AXIN2: variants seen among roughly 807,000 people sequenced by gnomAD.
AXIN2 encodes the protein axin 2.
Under a neutral mutation model 74.7 loss-of-function variants are expected in AXIN2, and 21 were observed. That is an observed-to-expected ratio of 0.28 (90% CI 0.20 to 0.40). AXIN2 has a LOEUF of 0.40. Among genes scored for constraint, AXIN2 ranks in the 10% least tolerant of loss-of-function variants. AXIN2 has a pLI of 1.00. For missense variants in AXIN2, 1,144 were observed against 1,111.1 expected (o/e 1.03, Z -0.42); for synonymous variants, 532 against 454.9 (o/e 1.17, Z -2.16).
chr17:65,559,135 C>G lies in AXIN2; in HGVS notation c.-116-399G>C, dbSNP rs1034612188. Among the ~76,000 whole-genome samples the G allele has an allele frequency of 3.9e-5, 6 of 152,176 alleles. 1 individual carries two copies. The highest frequency in any genetic ancestry group is 6.5e-5 in the Admixed American group (1 of 15,290). On this transcript the variant is annotated intron_variant, in intron 1 of 10. Coordinates refer to ENST00000307078, the MANE Select transcript of AXIN2 (RefSeq NM_004655.4). ...CTCCCTTCCCCTCCCCCGATACCAT[C>G]AACTCCAAAAAGGCGCACTCCCAGC...
intron 4 of AXIN2, among the ~76,000 whole-genome samples, chr17:65,540,208 C>T (rs2044020078): frequency 6.6e-6 from 1 of 152,194 alleles, no homozygotes; most frequent in Non-Finnish European, 1.5e-5. Context: ...CTGTGGTTGA[C>T]ACAAGAAGTA....
At position 65,541,534 on chromosome 17, in the gene AXIN2, A is replaced by G. The variant is rs756978497; in HGVS notation, c.980T>C (p.Val327Ala). ...SSVDGIPPYR[V>A]GSKKQLQREM... Reference sequence around the variant, plus strand: ...TCTCTGGAGCTGTTTCTTACTGCCCACACGATAAGGAGGAATTCCATCTCT... The same window carrying G: ...TCTCTGGAGCTGTTTCTTACTGCCCGCACGATAAGGAGGAATTCCATCTCT... The change falls in exon 4 of 11, where the codon GTG becomes GCG. Residue 327 changes from valine to alanine, a missense_variant. Val to Ala is a moderately conservative substitution (Grantham distance 64). Around this residue, in one of 4 missense-constraint regions of AXIN2, gnomAD observed 1,053 missense variants for 973.5 expected, o/e 1.08. Transcript: ENST00000307078. The G allele has an allele frequency of 1.9e-6, 3 of 1,614,162 alleles. No homozygotes were observed. Among genetic ancestry groups the G allele is most frequent in the Non-Finnish European group, 8.5e-7 (1 of 1,179,978 alleles).
chr17:65,558,182 T>G lies in AXIN2; in HGVS notation c.439A>C (p.Lys147Gln). 6.2e-7 allele frequency: 1 copy of G among 1,612,798 alleles called. No homozygotes were observed. Among genetic ancestry groups the G allele is most frequent in the South Asian group, 1.1e-5 (1 of 90,998 alleles). The change falls in exon 2 of 11, where the codon AAG becomes CAG. Residue 147 changes from lysine to glutamine, a missense_variant. This residue lies in a region of AXIN2 where 1,053 missense variants were observed against 973.5 expected (regional missense o/e 1.08). Coordinates refer to ENST00000307078, the MANE Select transcript of AXIN2 (RefSeq NM_004655.4). ...GTCTTGGTGGCAGGCTTCAGCTGCTTGGAGACAATGCTGTTGTTCTCAATG... is the reference window on the plus strand; with the variant it reads ...GTCTTGGTGGCAGGCTTCAGCTGCTGGGAGACAATGCTGTTGTTCTCAATG... ...RYIENNSIVS[K>Q]QLKPATKTYI...
intron 3 of AXIN2, among the ~76,000 whole-genome samples, chr17:65,541,829 G>C (rs891586727): frequency 6.6e-6 from 1 of 152,148 alleles, no homozygotes; most frequent in African/African-American, 2.4e-5. Flanking sequence ...TTAATCTCTC[G>C]GACTGTTGTC....
intron 4 of AXIN2, among the ~76,000 whole-genome samples, chr17:65,540,003 G>A (rs1359805602): frequency 6.6e-6 from 1 of 152,200 alleles, no homozygotes; most frequent in Non-Finnish European, 1.5e-5. Context: ...GGAAGAAGCT[G>A]CTCAGGAGAT....
intron 2 of AXIN2, among the ~76,000 whole-genome samples, chr17:65,552,099 T>C (rs1458356300): frequency 6.6e-6 from 1 of 152,190 alleles, no homozygotes; most frequent in Admixed American, 6.5e-5. Flanking sequence ...TCCTGGTCCA[T>C]GTGTCCTCAA....
rs1041769552 is a variant in AXIN2 at position 65,538,085 on chromosome 17, G to C, written c.1200+118C>G. The C allele has an allele frequency of 6.8e-5, 106 of 1,550,394 alleles. No individual in the cohort carries two copies. In the Admixed American group the frequency reaches 1.9e-3, roughly 28 times the overall value. Reference sequence around the variant, plus strand: ...GCACACACCCACACGCAGCCCACGCGCATGCGCATGCAACCCACGCACATG... The same window carrying C: ...GCACACACCCACACGCAGCCCACGCCCATGCGCATGCAACCCACGCACATG... On this transcript the variant is annotated intron_variant, in intron 5 of 10. Transcript: ENST00000307078.
intron 9 of AXIN2, 96 bp downstream of exon 9, chr17:65,535,530 C>CA: frequency 5.5e-6 from 7 of 1,277,710 alleles, no homozygotes; most frequent in South Asian, 1.2e-5. Flanking sequence ...TTTTAAAAAC[C>CA]AAAAAAAGTT....
rs374444786 is a variant in AXIN2, at chr17:65,537,479, G to T, written c.1557C>A (p.Ile519=). 6.2e-7 allele frequency: 1 copy of T among 1,613,922 alleles called. No individual in the cohort carries two copies. The highest frequency in any genetic ancestry group is 1.1e-5 in the South Asian group (1 of 91,076). Residue 519 remains isoleucine, a synonymous_variant, in exon 6 of 11, where the codon ATC becomes ATA. Transcript: ENST00000307078. ...TGGTCTTGGGGACGGCATGGTGGTG[G>T]ATGTAGTGGTGGTGGACATGCTTCG... ...QTTKHVHHHY[I]HHHAVPKTKE...
chr17:65,552,260 CA>C (rs1369721948), intron 2 of AXIN2, among the ~76,000 whole-genome samples: 1 of 152,106 alleles, frequency 6.6e-6, no homozygotes, highest in Non-Finnish European at 1.5e-5. Context: ...AAAGGAAGAA[CA>C]AGGGGAAATA....
intron 3 of AXIN2, among the ~76,000 whole-genome samples, chr17:65,548,023 T>C (rs1421096629): frequency 6.6e-6 from 1 of 152,192 alleles, no homozygotes; most frequent in Non-Finnish European, 1.5e-5. Flanking sequence ...CTAAGAAATA[T>C]GTCCACCAAA....
At chr17:65,539,759 T>C (rs1410322901) in intron 4 of AXIN2, among the ~76,000 whole-genome samples, 1 of 152,206 alleles carries the variant, frequency 6.6e-6, no homozygotes, top group African/African-American at 2.4e-5. Context: ...CCAGACCAAT[T>C]AGATTCTCTG....
chr17:65,550,963 C>T (rs1041428923), intron 2 of AXIN2, among the ~76,000 whole-genome samples: 2 of 152,156 alleles, frequency 1.3e-5, no homozygotes, highest in Non-Finnish European at 2.9e-5. Context: ...AGATGAGGCC[C>T]TTGGAGTCCA....
intron 3 of AXIN2, 79 bp from the exon 4 acceptor site, chr17:65,541,636 A>AT (rs2044045331): frequency 2.5e-6 from 3 of 1,192,550 alleles, no homozygotes; most frequent in Non-Finnish European, 3.8e-6. Context: ...GTCATATGCC[A>AT]TCTTGAGATC....
At chr17:65,539,996 A>G (rs188039777) in intron 4 of AXIN2, among the ~76,000 whole-genome samples, 82 of 152,362 alleles carry the variant, frequency 5.4e-4, no homozygotes, top group African/African-American at 1.7e-3. Context: ...AGTCACAGGA[A>G]GAAGCTGCTC....
chr17:65,558,560 C>T lies in AXIN2; in HGVS notation c.61G>A (p.Ala21Thr), dbSNP rs2144591783. The change falls in exon 2 of 11, where the codon GCC becomes ACC. Residue 21 changes from alanine to threonine, a missense_variant. Around this residue, in one of 4 missense-constraint regions of AXIN2, gnomAD observed 3 missense variants for 21.1 expected, o/e 0.14. Transcript: ENST00000307078. ...PDPSSSFREDAPRPPVPGEEG... is the reference protein window; with the variant it reads ...PDPSSSFREDTPRPPVPGEEG... Reference sequence around the variant, plus strand: ...TCCCCTGGCACTGGGGGCCGCGGGGCATCCTCACGGAAGCTGCTGCTGGGG... The same window carrying T: ...TCCCCTGGCACTGGGGGCCGCGGGGTATCCTCACGGAAGCTGCTGCTGGGG... The T allele has an allele frequency of 6.2e-7, 1 of 1,613,000 alleles. No homozygotes were observed. The highest frequency in any genetic ancestry group is 1.3e-5 in the African/African-American group (1 of 75,056).
At chr17:65,552,266 G>A (rs923334374) in intron 2 of AXIN2, among the ~76,000 whole-genome samples, 1 of 152,198 alleles carries the variant, frequency 6.6e-6, no homozygotes, top group Non-Finnish European at 1.5e-5. Context: ...AGAACAAGGG[G>A]AAATAGACTT....
Position 65,561,623 on chromosome 17 carries a change from G to T in AXIN2, c.-290C>A. On this transcript the variant is annotated 5_prime_UTR_variant, in exon 1 of 11. Coordinates refer to ENST00000307078, the MANE Select transcript of AXIN2 (RefSeq NM_004655.4). ...CCCGGGCCAGGCTCGCGGAGCCAGT[G>T]ATCCCGCCGCGCCAATCACAGCCGC... 6.6e-6 allele frequency: 1 copy of T among 151,242 alleles called. No homozygotes were observed. Among genetic ancestry groups the T allele is most frequent in the South Asian group, 1.8e-4 (1 of 5,606 alleles). The allele number at this position is 151,242 out of a possible 1,614,324, so 9.4% of individuals were successfully genotyped here. A position where few individuals can be genotyped will look rare whatever the true frequency, so the allele number is the denominator to read the frequency against.
intron 10 of AXIN2, among the ~76,000 whole-genome samples, chr17:65,530,879 C>CTTCTGA (rs199628134): frequency 0.012 from 1,761 of 152,348 alleles, 23 homozygotes; most frequent in African/African-American, 0.04. Context: ...AGCGTTCTTT[C>CTTCTGA]TTCTGAGGCT....
Sources: allele counts gnomAD v4.1 joint callset (sites outside exome capture counted in the v4.1 genomes callset), GRCh38; gene constraint gnomAD v4.1.1; regional missense constraint gnomAD v4.1.1; transcripts MANE v1.5; gene names NCBI Gene and HGNC (gene_info 2026-07-23, HGNC 2026-07-21).